FRAS1: variants seen among roughly 807,000 people sequenced by gnomAD.
The protein encoded by FRAS1 is Fraser extracellular matrix complex subunit 1.
In FRAS1, 290 loss-of-function variants were observed where a neutral mutation model predicts 435.2. The observed-to-expected ratio is 0.67, with a 90% confidence interval of 0.61 to 0.73. The LOEUF is 0.73. Ranked by LOEUF, FRAS1 falls within the 30% of genes least tolerant of loss-of-function variation. The pLI, the probability that FRAS1 is intolerant of heterozygous loss-of-function variation, is 0.00. For synonymous variants in FRAS1, 1,800 were observed against 1,851.0 expected (o/e 0.97, Z 0.71); for missense variants, 4,860 against 5,001.5 (o/e 0.97, Z 0.85).
rs553644871 is a variant in FRAS1 at position 78,311,743 on chromosome 4, A to AT, written c.1678+3540dup. 1.6e-3 allele frequency among the ~76,000 whole-genome samples: 240 copies of AT among 152,242 alleles called. 1 individual carries two copies. Among genetic ancestry groups the AT allele is most frequent in the African/African-American group, 5.4e-3 (225 of 41,526 alleles). ...ACCACTTGGCATGATCAAGATTCTG[A>AT]TTTTTTCTGGTCAAGAGGTGTAAAG... On this transcript the variant is annotated intron_variant, in intron 15 of 73. Coordinates refer to ENST00000512123, the MANE Select transcript of FRAS1 (RefSeq NM_025074.7).
chr4:78,388,424 T>C (rs182092567), intron 29 of FRAS1, among the ~76,000 whole-genome samples: 34 of 151,890 alleles, frequency 2.2e-4, no homozygotes, highest in African/African-American at 7.7e-4. Flanking sequence ...AGTTCAGCCA[T>C]TCTGTTAGCT....
At chr4:78,247,049 A>C (rs909439515) in intron 4 of FRAS1, among the ~76,000 whole-genome samples, 5 of 152,182 alleles carry the variant, frequency 3.3e-5, no homozygotes, top group African/African-American at 7.2e-5. Flanking sequence ...CTTTTCTCCA[A>C]CTTCTCTATG....
rs957611669 is a variant in FRAS1 at position 78,434,091 on chromosome 4, A to G, written c.5217+1487A>G. Among the ~76,000 whole-genome samples, 3 of 152,244 alleles carry G rather than the reference A, an allele frequency of 2.0e-5. No homozygotes were observed. In the East Asian group the frequency reaches 5.8e-4, roughly 29 times the overall value. ...CATGGAAAAACTTTTCCAGATATGC[A>G]TAGTTAGAAAGTTTTCAGTGAACAT... On this transcript the variant is annotated intron_variant, in intron 38 of 73. Coordinates refer to ENST00000512123, the MANE Select transcript of FRAS1 (RefSeq NM_025074.7).
intron 18 of FRAS1, among the ~76,000 whole-genome samples, chr4:78,323,198 G>T (rs1159917683): frequency 6.6e-6 from 1 of 152,192 alleles, no homozygotes; most frequent in Admixed American, 6.5e-5. Flanking sequence ...TCCAAAGTGT[G>T]GCTAGAATTG....
chr4:78,319,540 C>A (rs905686000), intron 18 of FRAS1: 5 of 382,778 alleles, frequency 1.3e-5, no homozygotes, highest in Non-Finnish European at 2.1e-5. Context: ...CCACAAGTAG[C>A]CTTGCTGTTG....
chr4:78,195,210 T>TC (rs1011812547), intron 2 of FRAS1, among the ~76,000 whole-genome samples: 2 of 152,222 alleles, frequency 1.3e-5, no homozygotes, highest in African/African-American at 4.8e-5. Context: ...GTTAGGCTAC[T>TC]CGGGGGTCAG....
rs746402676 is a variant in FRAS1 at position 78,508,721 on chromosome 4, T to C, written c.9505-10T>C. The C allele has an allele frequency of 6.8e-6, 11 of 1,613,498 alleles. No homozygotes were observed. The highest frequency in any genetic ancestry group is 9.3e-6 in the Non-Finnish European group (11 of 1,179,666). ...CCAACCTGAACTGAAGCTTTGTTGCTCTTTCGCAGGTGGTCACACTTGCTG... is the reference window on the plus strand; with the variant it reads ...CCAACCTGAACTGAAGCTTTGTTGCCCTTTCGCAGGTGGTCACACTTGCTG... On this transcript the variant is annotated splice_polypyrimidine_tract_variant and intron_variant, in intron 62 of 73. Coordinates refer to ENST00000512123, the MANE Select transcript of FRAS1 (RefSeq NM_025074.7).
chr4:78,424,131 T>A (rs1168294608), intron 34 of FRAS1, among the ~76,000 whole-genome samples: 1 of 152,224 alleles, frequency 6.6e-6, no homozygotes, highest in Non-Finnish European at 1.5e-5. Context: ...TCTGAATGAA[T>A]GTATTATAAA....
intron 2 of FRAS1, among the ~76,000 whole-genome samples, chr4:78,167,304 G>GTT (rs1721370804): frequency 6.6e-6 from 1 of 151,554 alleles, no homozygotes. Flanking sequence ...GGAGCTCACA[G>GTT]TCTGTTAACA....
intron 27 of FRAS1, among the ~76,000 whole-genome samples, chr4:78,380,776 T>C (rs1022125026): frequency 1.3e-5 from 2 of 152,206 alleles, no homozygotes; most frequent in African/African-American, 4.8e-5. Flanking sequence ...GTGAGTATTT[T>C]TACTGTCAAC....
rs1732272238 is a variant in FRAS1, at chr4:78,387,667, A to G, written c.3941A>G (p.His1314Arg). The change falls in exon 29 of 74, where the codon CAT (histidine) becomes CGT (arginine). Residue 1314 changes from histidine to arginine, a missense_variant. His to Arg is a conservative substitution (Grantham distance 29). Coordinates refer to ENST00000512123, the MANE Select transcript of FRAS1 (RefSeq NM_025074.7). ...CAGGCCAATGATGGACACTCCTTCC[A>G]TAATATACTGTTCCAAGTGAAGACC... ...VLQANDGHSF[H>R]NILFQVKTVP... The G allele has an allele frequency of 6.3e-7, 1 of 1,580,658 alleles. No individual in the cohort carries two copies. Among genetic ancestry groups the G allele is most frequent in the South Asian group, 1.2e-5 (1 of 84,460 alleles).
At chr4:78,140,655 A>G (rs1454943060) in intron 2 of FRAS1, among the ~76,000 whole-genome samples, 3 of 149,864 alleles carry the variant, frequency 2.0e-5, no homozygotes, top group African/African-American at 7.5e-5. Flanking sequence ...ATATGTATAT[A>G]CGTATATACA....
At chr4:78,078,274 T>C in intron 2 of FRAS1, among the ~76,000 whole-genome samples, 1 of 152,192 alleles carries the variant, frequency 6.6e-6, no homozygotes, top group Non-Finnish European at 1.5e-5. Flanking sequence ...ATTATTTCCT[T>C]TGGGCACATT....
At chr4:78,119,477 C>T (rs1270853344) in intron 2 of FRAS1, among the ~76,000 whole-genome samples, 2 of 152,076 alleles carry the variant, frequency 1.3e-5, no homozygotes, top group African/African-American at 4.8e-5. Context: ...AACATAGTGT[C>T]CTCTAGTTCC....
chr4:78,329,850 G>T (rs1729872337), intron 18 of FRAS1, among the ~76,000 whole-genome samples: 1 of 152,200 alleles, frequency 6.6e-6, no homozygotes, highest in Non-Finnish European at 1.5e-5. Flanking sequence ...ATTAGATCAG[G>T]TGGCAGAAAA....
chr4:78,117,352 A>C (rs968818142), intron 2 of FRAS1, among the ~76,000 whole-genome samples: 3 of 152,024 alleles, frequency 2.0e-5, no homozygotes, highest in Non-Finnish European at 4.4e-5. Context: ...GGCGTTCTCT[A>C]TATTTCCTAC....
At chr4:78,242,564 T>C (rs759592160) in intron 3 of FRAS1, among the ~76,000 whole-genome samples, 1 of 152,208 alleles carries the variant, frequency 6.6e-6, no homozygotes, top group East Asian at 1.9e-4. Context: ...GCCTCCCAAG[T>C]AGCTGGGATT....
chr4:78,314,392 T>A (rs1054271634), intron 15 of FRAS1, among the ~76,000 whole-genome samples: 2 of 152,004 alleles, frequency 1.3e-5, no homozygotes, highest in African/African-American at 4.8e-5. Flanking sequence ...GTGAGATGGT[T>A]TTTTCTTCAC....
intron 2 of FRAS1, among the ~76,000 whole-genome samples, chr4:78,196,491 T>G (rs980107512): frequency 2.6e-5 from 4 of 152,238 alleles, no homozygotes; most frequent in African/African-American, 9.6e-5. Context: ...CTAGAGGTCT[T>G]TGGAAAGATT....
Sources: allele counts gnomAD v4.1 joint callset (sites outside exome capture counted in the v4.1 genomes callset), GRCh38; gene constraint gnomAD v4.1.1; transcripts MANE v1.5; gene names NCBI Gene and HGNC (gene_info 2026-07-23, HGNC 2026-07-21).